The following CREB5 variants were observed in gnomAD, a reference collection of about 807,000 sequenced individuals.
CREB5 encodes the protein cAMP responsive element binding protein 5, also known as cyclic AMP-responsive element-binding protein 5.
Under a neutral mutation model 57.1 loss-of-function variants are expected in CREB5, and 19 were observed. The ratio of observed to expected loss-of-function variants is 0.33; its 90% CI spans 0.23 to 0.49. The LOEUF (loss-of-function observed/expected upper bound fraction) is 0.49. CREB5 is among the 20% of genes least tolerant of loss of function. The pLI is 0.99. For missense variants in CREB5, 579 were observed against 671.6 expected, an observed-to-expected ratio of 0.86 and a Z score of 1.52; for synonymous variants, 238 against 238.3, an observed-to-expected ratio of 1.00 and a Z score of 0.01.
intron 5 of CREB5, among the ~76,000 whole-genome samples, chr7:28,691,472 TTCTTA>T (rs1801255812): frequency 6.6e-6 from 1 of 151,726 alleles, no homozygotes; most frequent in Admixed American, 6.6e-5. Flanking sequence ...ATGTGTGTTA[TTCTTA>T]TCTTTAGTTG....
At position 28,559,035 on chromosome 7, in the gene CREB5, G is replaced by A. The variant is rs554160954; in HGVS notation, c.292-11330G>A. On this transcript the variant is annotated intron_variant, in intron 4 of 10. Coordinates refer to ENST00000357727, the MANE Select transcript of CREB5 (RefSeq NM_182898.4). ...CTTTCGTGATTTTAAATACCCTTTC[G>A]TCTCCCACACTACACAGGTGTGAGA... 1.0e-3 allele frequency among the ~76,000 whole-genome samples: 153 copies of A among 152,040 alleles called. 1 individual carries two copies. The highest frequency in any genetic ancestry group is 3.2e-3 in the African/African-American group (133 of 41,484).
rs773807186 is a variant in CREB5, at chr7:28,507,601, C to T, written c.170-15C>T. ...AAAAAAGACCCATTTATGAGCTCTC[C>T]GACTCTGTTTTCAGATCAAACTCCG... On this transcript the variant is annotated splice_polypyrimidine_tract_variant and intron_variant, in intron 3 of 10. Transcript: ENST00000357727. 4.4e-6 allele frequency: 7 copies of T among 1,603,910 alleles called. No individual in the cohort carries two copies. The highest frequency in any genetic ancestry group is 4.0e-5 in the African/African-American group (3 of 74,738).
rs1223740271 is a variant in CREB5, at chr7:28,818,110, A to C, written c.1294A>C (p.Lys432Gln). The C allele has an allele frequency of 2.0e-5, 32 of 1,613,794 alleles. No homozygotes were observed. The highest frequency in any genetic ancestry group is 2.6e-5 in the Non-Finnish European group (31 of 1,179,792). The change falls in exon 10 of 11, where the codon AAA becomes CAA. Residue 432 changes from lysine (K) to glutamine (Q), a missense_variant. Coordinates refer to ENST00000357727, the MANE Select transcript of CREB5 (RefSeq NM_182898.4). ...SMLKNEVAQL[K>Q]QLLLTHKDCP... ...GTTGAAAAATGAGGTGGCCCAGCTG[A>C]AACAGTTGTTGTTAACACATAAAGA...
chr7:28,474,497 C>A (rs1043443089), intron 1 of CREB5, among the ~76,000 whole-genome samples: 1 of 151,974 alleles, frequency 6.6e-6, no homozygotes, highest in Non-Finnish European at 1.5e-5. Context: ...TGGTGGTTTG[C>A]GAAGAAAGGA....
intron 1 of CREB5, among the ~76,000 whole-genome samples, chr7:28,413,169 A>G (rs1375515281): frequency 6.6e-6 from 1 of 151,896 alleles, no homozygotes; most frequent in Non-Finnish European, 1.5e-5. Flanking sequence ...TCAGAAGCAT[A>G]TGAACTACAG....
intron 4 of CREB5, among the ~76,000 whole-genome samples, chr7:28,519,793 C>A (rs773733974): frequency 6.6e-6 from 1 of 152,210 alleles, no homozygotes; most frequent in Non-Finnish European, 1.5e-5. Flanking sequence ...ACGGAATATT[C>A]CCAGCATTAT....
intron 1 of CREB5, among the ~76,000 whole-genome samples, chr7:28,480,975 A>T (rs572919469): frequency 2.0e-5 from 3 of 152,190 alleles, no homozygotes; most frequent in Non-Finnish European, 4.4e-5. Context: ...TGGAAAATTT[A>T]AAAAAAAGAA....
At chr7:28,423,742 C>T (rs1041916808) in intron 1 of CREB5, among the ~76,000 whole-genome samples, 3 of 152,156 alleles carry the variant, frequency 2.0e-5, no homozygotes, top group African/African-American at 7.2e-5. Flanking sequence ...ACAAAAATGC[C>T]AAGAGCAACT....
chr7:28,423,729 T>C (rs1788375845), intron 1 of CREB5, among the ~76,000 whole-genome samples: 1 of 152,156 alleles, frequency 6.6e-6, no homozygotes, highest in Non-Finnish European at 1.5e-5. Flanking sequence ...AAAATGGCTG[T>C]GAACAAAAAT....
chr7:28,306,589 C>T (rs1381668831), intron 1 of CREB5, among the ~76,000 whole-genome samples: 3 of 106,028 alleles, frequency 2.8e-5, no homozygotes, highest in African/African-American at 1.1e-4. Flanking sequence ...GAGACGGAGT[C>T]TCGCTCTGTC....
intron 5 of CREB5, among the ~76,000 whole-genome samples, chr7:28,581,098 T>C (rs937438152): frequency 2.0e-5 from 3 of 152,232 alleles, no homozygotes; most frequent in Non-Finnish European, 2.9e-5. Context: ...TTCGAAACAG[T>C]CTGAGAGACA....
chr7:28,349,642 A>G (rs1786150011), intron 1 of CREB5, among the ~76,000 whole-genome samples: 1 of 152,088 alleles, frequency 6.6e-6, no homozygotes, highest in African/African-American at 2.4e-5. Context: ...CAATATATAG[A>G]CTTTTAACCT....
chr7:28,733,779 GC>G (rs1327544790), intron 7 of CREB5, among the ~76,000 whole-genome samples: 1 of 152,158 alleles, frequency 6.6e-6, no homozygotes, highest in Non-Finnish European at 1.5e-5. Flanking sequence ...CTTGCTAGGT[GC>G]CCAGTAAACA....
intron 7 of CREB5, among the ~76,000 whole-genome samples, chr7:28,736,993 G>C (rs1258382864): frequency 6.6e-6 from 1 of 152,062 alleles, no homozygotes; most frequent in African/African-American, 2.4e-5. Context: ...GGAGGGCCAG[G>C]CTGATCATCC....
intron 5 of CREB5, among the ~76,000 whole-genome samples, chr7:28,673,218 A>G (rs1302002162): frequency 6.6e-6 from 1 of 152,224 alleles, no homozygotes; most frequent in Non-Finnish European, 1.5e-5. Context: ...CAAATCTTCC[A>G]TTTGTTTGTA....
chr7:28,672,185 A>AC (rs769478370), intron 5 of CREB5, among the ~76,000 whole-genome samples: 5,844 of 111,480 alleles, frequency 0.052, 198 homozygotes, highest in African/African-American at 0.13. Flanking sequence ...GAAAAAAAAA[A>AC]AAAACACACA....
intron 5 of CREB5, among the ~76,000 whole-genome samples, chr7:28,697,676 T>C (rs552375453): frequency 7.4e-4 from 113 of 152,294 alleles, no homozygotes; most frequent in African/African-American, 2.5e-3. Flanking sequence ...GGAATCGCAA[T>C]TGGGAATCTC....
chr7:28,373,900 C>T (rs1173011901), intron 1 of CREB5, among the ~76,000 whole-genome samples: 3 of 109,980 alleles, frequency 2.7e-5, no homozygotes, highest in Non-Finnish European at 5.8e-5. Context: ...CTTGTTTCTG[C>T]ATCCATATAT....
intron 1 of CREB5, among the ~76,000 whole-genome samples, chr7:28,477,339 G>A (rs1259705645): frequency 1.3e-5 from 2 of 152,152 alleles, no homozygotes; most frequent in Admixed American, 1.3e-4. Context: ...CCCACTGGGT[G>A]CTGCCTGCAC....
Sources: gnomAD v4.1 joint callset for allele counts (sites outside exome capture counted in the v4.1 genomes callset) on GRCh38, gnomAD v4.1.1 for gene constraint, MANE v1.5 for transcripts, NCBI Gene and HGNC (gene_info 2026-07-23, HGNC 2026-07-21) for gene names.